The following VWA2 variants were observed in gnomAD, a reference collection of about 807,000 sequenced individuals.
The protein encoded by VWA2 is von Willebrand factor A domain containing 2.
VWA2 carries 73 observed loss-of-function variants against 70.4 expected under a neutral mutation model. The ratio of observed to expected loss-of-function variants is 1.04; its 90% CI spans 0.86 to 1.26. The LOEUF is 1.26. Among genes scored for constraint, VWA2 ranks in the 50% most tolerant of loss-of-function variants. VWA2 has a pLI of 0.00. For synonymous variants in VWA2, 407 were observed against 423.3 expected, an observed-to-expected ratio of 0.96 and a Z score of 0.47; for missense variants, 1,011 against 998.5, an observed-to-expected ratio of 1.01 and a Z score of -0.17.
At chr10:114,275,235 T>A (rs971903921) in intron 6 of VWA2, among the ~76,000 whole-genome samples, 2 of 152,140 alleles carry the variant, frequency 1.3e-5, no homozygotes, top group African/African-American at 4.8e-5. Context: ...ACATCCAGGA[T>A]TGTGCCATGT....
chr10:114,282,037 T>C (rs1312138164), intron 8 of VWA2, among the ~76,000 whole-genome samples: 1 of 151,182 alleles, frequency 6.6e-6, no homozygotes, highest in African/African-American at 2.4e-5. Flanking sequence ...TGAGATGGAG[T>C]CTTACTCTGT....
Position 114,290,055 on chromosome 10 carries a change from G to T in VWA2, c.2123-185G>T. ...CGTCTGAGCAATGGACTCTCCATGA[G>T]TCTGTAGGAGAGCTGGGTCTTACTA... On this transcript the variant is annotated intron_variant, in intron 12 of 13. Coordinates refer to ENST00000392982, the MANE Select transcript of VWA2 (RefSeq NM_001272046.2). 1 of 639,268 alleles carries T rather than the reference G, an allele frequency of 1.6e-6. No homozygotes were observed. Among genetic ancestry groups the T allele is most frequent in the Non-Finnish European group, 2.6e-6 (1 of 384,540 alleles). 39.6% of individuals were successfully genotyped at this position (639,268 alleles called of 1,614,324 possible). A position where few individuals can be genotyped will look rare whatever the true frequency, so the allele number is the denominator to read the frequency against.
chr10:114,251,353 T>C (rs941924629), intron 2 of VWA2, among the ~76,000 whole-genome samples: 1 of 152,242 alleles, frequency 6.6e-6, no homozygotes, highest in Non-Finnish European at 1.5e-5. Context: ...TGGGCTCATC[T>C]GAAGCCTGGC....
At chr10:114,286,662 T>C in intron 11 of VWA2, 151 bp downstream of exon 11, 1 of 686,326 alleles carries the variant, frequency 1.5e-6, no homozygotes, top group South Asian at 2.2e-5. Flanking sequence ...CATAAATAAT[T>C]TTCAGTTTAC....
At chr10:114,244,728 C>T (rs1468153695) in intron 1 of VWA2, among the ~76,000 whole-genome samples, 1 of 152,192 alleles carries the variant, frequency 6.6e-6, no homozygotes, top group Non-Finnish European at 1.5e-5. Context: ...GCTGCCTATT[C>T]GAGATGACTG....
At chr10:114,265,951 T>A (rs1243834334) in intron 5 of VWA2, among the ~76,000 whole-genome samples, 1 of 152,172 alleles carries the variant, frequency 6.6e-6, no homozygotes, top group Non-Finnish European at 1.5e-5. Flanking sequence ...ATGGGAGTGA[T>A]GACCTCCCCG....
chr10:114,280,703 T>G (rs554901667), intron 8 of VWA2: 2 of 152,342 alleles, frequency 1.3e-5, no homozygotes. Flanking sequence ...GAGAAGACGA[T>G]TTCTCTTGAA....
chr10:114,266,551 T>G (rs1261409696), intron 5 of VWA2, among the ~76,000 whole-genome samples: 1 of 152,194 alleles, frequency 6.6e-6, no homozygotes, highest in Non-Finnish European at 1.5e-5. Flanking sequence ...GAAACCACTC[T>G]GACAACCACC....
At chr10:114,256,727 G>C (rs993919644) in intron 4 of VWA2, among the ~76,000 whole-genome samples, 2 of 152,002 alleles carry the variant, frequency 1.3e-5, no homozygotes, top group African/African-American at 4.8e-5. Context: ...TGGCTAACAT[G>C]ATGAAACCTT....
intron 6 of VWA2, among the ~76,000 whole-genome samples, chr10:114,274,083 G>A (rs2037768909): frequency 6.6e-6 from 1 of 152,192 alleles, no homozygotes; most frequent in South Asian, 2.1e-4. Flanking sequence ...TAAGTACAAA[G>A]GCCCTGGGGC....
At chr10:114,258,343 G>A (rs983209033) in intron 4 of VWA2, among the ~76,000 whole-genome samples, 3 of 152,254 alleles carry the variant, frequency 2.0e-5, no homozygotes, top group South Asian at 2.1e-4. Context: ...TGTTGTTAAG[G>A]TGGATTTAAG....
At chr10:114,279,288 G>A (rs935805189) in intron 8 of VWA2, among the ~76,000 whole-genome samples, 2 of 152,146 alleles carry the variant, frequency 1.3e-5, no homozygotes, top group African/African-American at 2.4e-5. Flanking sequence ...TGGGATTGGA[G>A]CCCAGGCACC....
rs564901103 is a variant in VWA2 at position 114,276,965 on chromosome 10, C to T, written c.567-949C>T. Among the ~76,000 whole-genome samples, 7 of 152,170 alleles carry T rather than the reference C, an allele frequency of 4.6e-5. No individual in the cohort carries two copies. The East Asian group carries it at 1.2e-3, about 25-fold the overall frequency. ...CCTGCAGACCGTGGCTGTGCAACGC[C>T]TCCCCTGTGCACATGTGCCCTCAGG... On this transcript the variant is annotated intron_variant, in intron 6 of 13. Transcript: ENST00000392982.
At chr10:114,242,537 AC>A in intron 1 of VWA2, among the ~76,000 whole-genome samples, 1 of 151,348 alleles carries the variant, frequency 6.6e-6, no homozygotes, top group East Asian at 1.9e-4. Flanking sequence ...GCCTCTGCAT[AC>A]CAGTGCATCT....
chr10:114,276,028 C>T (rs765191468), intron 6 of VWA2, among the ~76,000 whole-genome samples: 7 of 152,346 alleles, frequency 4.6e-5, no homozygotes, highest in South Asian at 4.1e-4. Context: ...ACTGTCTCAT[C>T]GCTGTCCAGT....
In VWA2 at chr10:114,293,278, A is replaced by T. The variant is rs1170428562; in HGVS notation, c.*2041A>T. Among the ~76,000 whole-genome samples, 1 of 152,252 alleles carries T rather than the reference A, an allele frequency of 6.6e-6. No individual in the cohort carries two copies. The highest frequency in any genetic ancestry group is 1.5e-5 in the Non-Finnish European group (1 of 68,040). On this transcript the variant is annotated 3_prime_UTR_variant, in exon 14 of 14. Coordinates refer to ENST00000392982, the MANE Select transcript of VWA2 (RefSeq NM_001272046.2). ...ACATGCTCCCTAGCAGATGCTGATC[A>T]GTGATGTCATAGAAATTACATGAAT...
At chr10:114,273,096 C>G (rs1287593445) in intron 6 of VWA2, among the ~76,000 whole-genome samples, 162 bp downstream of exon 6, 1 of 152,162 alleles carries the variant, frequency 6.6e-6, no homozygotes, top group African/African-American at 2.4e-5. Flanking sequence ...ACAGGAAGCT[C>G]CAATCTTTTG....
chr10:114,283,799 T>C (rs952177723), intron 9 of VWA2, among the ~76,000 whole-genome samples: 3 of 152,260 alleles, frequency 2.0e-5, no homozygotes, highest in African/African-American at 7.2e-5. Flanking sequence ...CCCCAGCTAT[T>C]TCCACAGTCT....
Position 114,289,204 on chromosome 10 carries a change from G to T in VWA2, c.1837G>T (p.Ala613Ser), listed in dbSNP as rs765498186. 2 of 1,613,458 alleles carry T rather than the reference G, an allele frequency of 1.2e-6. No individual in the cohort carries two copies. The highest frequency in any genetic ancestry group is 1.7e-6 in the Non-Finnish European group (2 of 1,179,740). The change falls in exon 12 of 14, where the codon GCC (alanine) becomes TCC (serine). Residue 613 changes from alanine (A) to serine (S), a missense_variant. Coordinates refer to ENST00000392982, the MANE Select transcript of VWA2 (RefSeq NM_001272046.2). ...YLGGVGSAGT[A>S]LLHIYDKVMT... ...AGGTGGGGTGGGCTCAGCCGGCACC[G>T]CCCTGCTGCACATCTATGACAAAGT...
Sources: allele counts gnomAD v4.1 joint callset (sites outside exome capture counted in the v4.1 genomes callset), GRCh38; gene constraint gnomAD v4.1.1; transcripts MANE v1.5; gene names NCBI Gene and HGNC (gene_info 2026-07-23, HGNC 2026-07-21).